The following GNG7 variants were observed in gnomAD, a reference collection of about 807,000 sequenced individuals.
GNG7 encodes guanine nucleotide-binding protein G(I)/G(S)/G(O) subunit gamma-7.
Under a neutral mutation model 4.0 loss-of-function variants are expected in GNG7, and 1 was observed. The ratio of observed to expected loss-of-function variants is 0.25; its 90% CI spans 0.09 to 1.18. The LOEUF (loss-of-function observed/expected upper bound fraction) is 1.18, where lower values mean the gene tolerates loss of function less well. Ranked by LOEUF, GNG7 falls within the 50% of genes most tolerant of loss-of-function variation. The pLI is 0.50. For missense variants in GNG7, 86 were observed against 91.9 expected, an observed-to-expected ratio of 0.94 and a Z score of 0.26; for synonymous variants, 34 against 36.9, an observed-to-expected ratio of 0.92 and a Z score of 0.29.
rs71178295 is a variant in GNG7, at chr19:2,597,895, CAA to C, written c.-77-42709_-77-42708del. On this transcript the variant is annotated intron_variant, in intron 2 of 4. Transcript: ENST00000382159. ...TGGGCAACAGAGTGAGACTCTGTTTCAAAAAAAAAAAAAAAAAAGAAATTAAA... is the reference window on the plus strand; with the variant it reads ...TGGGCAACAGAGTGAGACTCTGTTTCAAAAAAAAAAAAAAAAGAAATTAAA... Among the ~76,000 whole-genome samples the C allele has an allele frequency of 2.4e-3, 288 of 118,276 alleles. 1 individual carries two copies. The highest frequency in any genetic ancestry group is 4.4e-3 in the African/African-American group (133 of 30,154). 77.6% of individuals were successfully genotyped at this position (118,276 alleles called of 152,430 possible). A position where few individuals can be genotyped will look rare whatever the true frequency, so the allele number is the denominator to read the frequency against.
chr19:2,553,350 T>A (rs558402711), intron 3 of GNG7, among the ~76,000 whole-genome samples: 55 of 148,026 alleles, frequency 3.7e-4, no homozygotes, highest in African/African-American at 1.3e-3. Context: ...AGCTCACATC[T>A]CTTAGATACT....
At chr19:2,661,316 G>GAA (rs1212984207) in intron 1 of GNG7, among the ~76,000 whole-genome samples, 6 of 135,868 alleles carry the variant, frequency 4.4e-5, no homozygotes, top group East Asian at 4.3e-4. Flanking sequence ...AAGAAAGAAA[G>GAA]AAAGAAAGAA....
At chr19:2,605,953 A>G (rs373866128) in intron 2 of GNG7, among the ~76,000 whole-genome samples, 9 of 152,292 alleles carry the variant, frequency 5.9e-5, no homozygotes, top group African/African-American at 2.2e-4. Context: ...GGTTCCAGAC[A>G]TTTAGGAGCC....
intron 1 of GNG7, among the ~76,000 whole-genome samples, chr19:2,650,141 C>T (rs1001557107): frequency 1.3e-5 from 2 of 151,014 alleles, no homozygotes; most frequent in Admixed American, 1.3e-4. Context: ...TTCTTGTTGG[C>T]AATTGTGAAT....
intron 4 of GNG7, among the ~76,000 whole-genome samples, chr19:2,519,755 T>C (rs1300885270): frequency 6.6e-6 from 1 of 152,110 alleles, no homozygotes; most frequent in African/African-American, 2.4e-5. Flanking sequence ...TGCCTCCAGG[T>C]GGCCTTGGGG....
chr19:2,535,499 C>CA (rs113272956), intron 3 of GNG7, among the ~76,000 whole-genome samples: 1,544 of 133,372 alleles, frequency 0.012, 13 homozygotes, highest in African/African-American at 0.026. Context: ...GACCTTGTCT[C>CA]AAAAAAAAAA....
chr19:2,535,939 AAC>A (rs970262393), intron 3 of GNG7, among the ~76,000 whole-genome samples: 4 of 152,006 alleles, frequency 2.6e-5, no homozygotes, highest in Admixed American at 6.6e-5. Context: ...CAGCCCGAGC[AAC>A]AGAGTGAAAC....
intron 2 of GNG7, among the ~76,000 whole-genome samples, chr19:2,601,014 G>A (rs920922459): frequency 8.5e-5 from 13 of 152,058 alleles, no homozygotes; most frequent in African/African-American, 2.9e-4. Context: ...GTGTGCCTGT[G>A]CTCCCAGCTA....
At chr19:2,567,122 AC>A (rs1208169434) in intron 2 of GNG7, among the ~76,000 whole-genome samples, 2,774 of 49,366 alleles carry the variant, frequency 0.056, 89 homozygotes, top group African/African-American at 0.29. Context: ...AAAAAAAAAA[AC>A]AAAAAAAACA....
At chr19:2,530,565 C>T (rs894081090) in intron 3 of GNG7, among the ~76,000 whole-genome samples, 1 of 151,448 alleles carries the variant, frequency 6.6e-6, no homozygotes, top group Admixed American at 6.6e-5. Context: ...TATTAAAATA[C>T]AAAAATTAGC....
intron 2 of GNG7, among the ~76,000 whole-genome samples, chr19:2,595,536 C>A (rs943076510): frequency 6.6e-6 from 1 of 151,838 alleles, no homozygotes; most frequent in African/African-American, 2.4e-5. Context: ...GAGTTTGAGA[C>A]CAGCCTGGGC....
At chr19:2,529,309 C>G (rs1013101705) in intron 3 of GNG7, among the ~76,000 whole-genome samples, 2 of 152,200 alleles carry the variant, frequency 1.3e-5, no homozygotes, top group Non-Finnish European at 2.9e-5. Context: ...CTCCGCCTCC[C>G]AGGTTCAAGC....
At chr19:2,687,974 C>A (rs541035452) in intron 1 of GNG7, among the ~76,000 whole-genome samples, 13 of 151,554 alleles carry the variant, frequency 8.6e-5, no homozygotes, top group Non-Finnish European at 1.8e-4. Context: ...ATAAAATAGC[C>A]GGGCGCGGTG....
chr19:2,584,847 AGAAG>A (rs1980610447), intron 2 of GNG7, among the ~76,000 whole-genome samples: 1 of 9,440 alleles, frequency 1.1e-4, no homozygotes, highest in Admixed American at 1.2e-3. Flanking sequence ...AAGGAAGGAA[AGAAG>A]GAAGGAAGGA....
At chr19:2,697,849 G>A (rs929635738) in intron 1 of GNG7, among the ~76,000 whole-genome samples, 5 of 152,044 alleles carry the variant, frequency 3.3e-5, no homozygotes, top group African/African-American at 4.8e-5. Flanking sequence ...GCACATGCCT[G>A]TAATGGAAGC....
chr19:2,612,939 G>A (rs1981616160), intron 2 of GNG7, among the ~76,000 whole-genome samples: 1 of 151,922 alleles, frequency 6.6e-6, no homozygotes, highest in African/African-American at 2.4e-5. Context: ...TGATCCGTCC[G>A]CCTCGGCCTC....
intron 2 of GNG7, chr19:2,610,574 C>G (rs1314414222): frequency 6.6e-6 from 1 of 152,042 alleles, no homozygotes; most frequent in African/African-American, 2.4e-5. Context: ...TCTCAAACTC[C>G]TGACCTCAGG....
At chr19:2,575,010 G>C (rs1026778847) in intron 2 of GNG7, among the ~76,000 whole-genome samples, 3 of 152,136 alleles carry the variant, frequency 2.0e-5, no homozygotes, top group African/African-American at 7.2e-5. Flanking sequence ...TTAACTCTGA[G>C]CTGTCAGGGA....
intron 2 of GNG7, among the ~76,000 whole-genome samples, chr19:2,588,834 C>T (rs1452474071): frequency 1.3e-5 from 2 of 152,162 alleles, no homozygotes; most frequent in African/African-American, 2.4e-5. Flanking sequence ...CTCCCCGACT[C>T]CCTTGCTTTG....
Sources: gnomAD v4.1 joint callset for allele counts (sites outside exome capture counted in the v4.1 genomes callset) on GRCh38, gnomAD v4.1.1 for gene constraint, MANE v1.5 for transcripts, NCBI Gene and HGNC (gene_info 2026-07-23, HGNC 2026-07-21) for gene names.